Variants in TNR observed in about 807,000 individuals in gnomAD.
TNR encodes the protein tenascin R.
A neutral mutation model predicts 150.4 loss-of-function variants in TNR; 45 were observed. That is an observed-to-expected ratio of 0.30 (90% CI 0.24 to 0.38). TNR has a LOEUF of 0.38. Among genes scored for constraint, TNR ranks in the 10% least tolerant of loss-of-function variants. TNR has a pLI of 1.00. For synonymous variants in TNR, 687 were observed against 678.4 expected, an observed-to-expected ratio of 1.01 and a Z score of -0.20; for missense variants, 1,544 against 1,759.1, an observed-to-expected ratio of 0.88 and a Z score of 2.19.
chr1:175,656,310 G>T (rs72725488), intron 1 of TNR, among the ~76,000 whole-genome samples: 10,758 of 152,122 alleles, frequency 0.071, 439 homozygotes, highest in East Asian at 0.14. Context: ...CTACGTGGTG[G>T]GTCACGCAGG....
At chr1:175,476,742 C>T (rs1306264940) in intron 2 of TNR, among the ~76,000 whole-genome samples, 3 of 152,168 alleles carry the variant, frequency 2.0e-5, no homozygotes, top group Admixed American at 2.0e-4. Context: ...TGTATGCAAC[C>T]ACTGTTCTGT....
chr1:175,637,576 CA>C (rs1430143023), intron 1 of TNR, among the ~76,000 whole-genome samples: 1 of 152,164 alleles, frequency 6.6e-6, no homozygotes, highest in Non-Finnish European at 1.5e-5. Context: ...GAGTAATCCA[CA>C]GCCTGATTAA....
chr1:175,695,745 T>G (rs1666495843), intron 1 of TNR, among the ~76,000 whole-genome samples: 1 of 152,200 alleles, frequency 6.6e-6, no homozygotes, highest in Admixed American at 6.5e-5. Context: ...CAGTAATATG[T>G]TTTATTAAAC....
intron 2 of TNR, among the ~76,000 whole-genome samples, chr1:175,440,750 G>C (rs551852682): frequency 6.6e-6 from 1 of 152,230 alleles, no homozygotes; most frequent in South Asian, 2.1e-4. Flanking sequence ...AGATCTGTTA[G>C]TCCTATTAGA....
At chr1:175,396,324 A>G (rs1167113968) in intron 5 of TNR, among the ~76,000 whole-genome samples, 1 of 152,190 alleles carries the variant, frequency 6.6e-6, no homozygotes, top group African/African-American at 2.4e-5. Flanking sequence ...TGGTTCTATA[A>G]TTTATGAAAG....
chr1:175,549,928 C>A (rs1056129115), intron 1 of TNR, among the ~76,000 whole-genome samples: 1 of 152,174 alleles, frequency 6.6e-6, no homozygotes, highest in Non-Finnish European at 1.5e-5. Context: ...GGACTCCTGA[C>A]CCAGGAAAAC....
At chr1:175,677,885 G>A (rs1252459689) in intron 1 of TNR, among the ~76,000 whole-genome samples, 1 of 152,126 alleles carries the variant, frequency 6.6e-6, no homozygotes, top group Admixed American at 6.5e-5. Flanking sequence ...TTATTAAGTA[G>A]AGAAGAAGGA....
chr1:175,489,379 G>A (rs749096505), intron 2 of TNR, among the ~76,000 whole-genome samples: 1 of 152,290 alleles, frequency 6.6e-6, no homozygotes, highest in Non-Finnish European at 1.5e-5. Context: ...TGCCATCCTC[G>A]ATGGGGAAAA....
chr1:175,478,357 A>G (rs767365692), intron 2 of TNR, among the ~76,000 whole-genome samples: 14 of 152,228 alleles, frequency 9.2e-5, no homozygotes, highest in Non-Finnish European at 1.9e-4. Flanking sequence ...GAATTTAGAA[A>G]GAAAGCAGAG....
intron 2 of TNR, among the ~76,000 whole-genome samples, chr1:175,464,799 T>C (rs1187682766): frequency 6.6e-6 from 1 of 152,166 alleles, no homozygotes; most frequent in Non-Finnish European, 1.5e-5. Flanking sequence ...TCCCAGTCAT[T>C]GACAATATTT....
chr1:175,706,594 G>GA (rs901786187), intron 1 of TNR, among the ~76,000 whole-genome samples: 2 of 151,968 alleles, frequency 1.3e-5, no homozygotes, highest in Non-Finnish European at 2.9e-5. Context: ...GTTCTTGCTT[G>GA]AAAAAACAGG....
chr1:175,342,882 C>G (rs893969331), intron 18 of TNR, among the ~76,000 whole-genome samples: 8 of 152,228 alleles, frequency 5.3e-5, no homozygotes, highest in African/African-American at 1.9e-4. Flanking sequence ...CATCATTTCT[C>G]TTATTATTCC....
intron 1 of TNR, among the ~76,000 whole-genome samples, chr1:175,613,692 A>T (rs1314250002): frequency 6.6e-6 from 1 of 152,140 alleles, no homozygotes; most frequent in African/African-American, 2.4e-5. Context: ...GCCAGTGGAC[A>T]CCAGAATTCT....
At chr1:175,331,050 T>TTTCTTTCTTTCCTTCC (rs1557867588) in intron 20 of TNR, among the ~76,000 whole-genome samples, 1 of 95,762 alleles carries the variant, frequency 1.0e-5, no homozygotes, top group African/African-American at 4.2e-5. Flanking sequence ...TCTTTCTTTC[T>TTTCTTTCTTTCCTTCC]TTCTTTCTTT....
intron 1 of TNR, among the ~76,000 whole-genome samples, chr1:175,552,315 G>C (rs1432388275): frequency 6.6e-6 from 1 of 152,212 alleles, no homozygotes; most frequent in Non-Finnish European, 1.5e-5. Flanking sequence ...CCTTGCAGGT[G>C]AGCATATACC....
chr1:175,384,178 A>G (rs942913916), intron 8 of TNR, among the ~76,000 whole-genome samples: 1 of 152,206 alleles, frequency 6.6e-6, no homozygotes, highest in Non-Finnish European at 1.5e-5. Context: ...TTTCAAACAA[A>G]ACTATCTTGA....
At chr1:175,436,598 G>A (rs868506838) in intron 2 of TNR, among the ~76,000 whole-genome samples, 4 of 152,230 alleles carry the variant, frequency 2.6e-5, no homozygotes, top group African/African-American at 9.6e-5. Context: ...ATTGGATAAA[G>A]AGTCAAGACC....
intron 2 of TNR, among the ~76,000 whole-genome samples, chr1:175,443,974 G>A (rs370966061): frequency 9.2e-5 from 14 of 152,100 alleles, no homozygotes; most frequent in African/African-American, 3.1e-4. Context: ...TGGGCTTAAG[G>A]CACAGGGGCT....
chr1:175,702,958 C>T (rs1300712108), intron 1 of TNR, among the ~76,000 whole-genome samples: 1 of 151,956 alleles, frequency 6.6e-6, no homozygotes, highest in Non-Finnish European at 1.5e-5. Context: ...ATATAGTAAT[C>T]CAAAATATCC....
Sources: allele counts gnomAD v4.1 joint callset (sites outside exome capture counted in the v4.1 genomes callset), GRCh38; gene constraint gnomAD v4.1.1; transcripts MANE v1.5; gene names NCBI Gene and HGNC (gene_info 2026-07-23, HGNC 2026-07-21).